The following POLR1D variants were observed in gnomAD, a reference collection of about 807,000 sequenced individuals.
POLR1D encodes the protein DNA-directed RNA polymerases I and III subunit RPAC2.
In POLR1D, 8 loss-of-function variants were observed where a neutral mutation model predicts 10.8. The ratio of observed to expected loss-of-function variants is 0.74; its 90% CI spans 0.43 to 1.33. The LOEUF (loss-of-function observed/expected upper bound fraction) is 1.33, where lower values mean the gene tolerates loss of function less well. Among genes scored for constraint, POLR1D ranks in the 40% most tolerant of loss-of-function variants. The pLI is 0.01. For synonymous variants in POLR1D, 54 were observed against 57.2 expected (o/e 0.94, Z 0.25); for missense variants, 152 against 161.7 (o/e 0.94, Z 0.32).
intron 2 of POLR1D, among the ~76,000 whole-genome samples, chr13:27,661,413 T>C (rs1956362745): frequency 1.3e-5 from 2 of 152,140 alleles, no homozygotes; most frequent in Admixed American, 1.3e-4. Flanking sequence ...AATATAAAAA[T>C]AACTAGCCAG....
chr13:27,652,907 A>ACTTCTTTTTTTTTTTTTTTTTT lies in POLR1D; in HGVS notation c.101+4454_101+4455insCTTCTTTTTTTTTTTTTTTTTT, dbSNP rs1365436145. On this transcript the variant is annotated intron_variant, in intron 2 of 2. Transcript: ENST00000399697. ...AAACTTGCCAGAAGTTGCATTTACC[A>ACTTCTTTTTTTTTTTTTTTTTT]TTTCTTTTTTTTTTTTTTTTTTTTT... Among the ~76,000 whole-genome samples the ACTTCTTTTTTTTTTTTTTTTTT allele has an allele frequency of 5.1e-5, 4 of 78,530 alleles. 1 individual carries two copies. The highest frequency in any genetic ancestry group is 2.4e-4 in the African/African-American group (4 of 16,672). 51.5% of individuals were successfully genotyped at this position (78,530 alleles called of 152,430 possible). A position where few individuals can be genotyped will look rare whatever the true frequency, so the allele number is the denominator to read the frequency against.
rs1956409862 is a variant in POLR1D at position 27,665,749 on chromosome 13, GC to G, written c.168del (p.Ser57LeufsTer91). ...TAATTAACACAATTAAAAACACATTGCCCTCTCATAAAGAGCAAGACCATGA... is the reference window on the plus strand; with the variant it reads ...TAATTAACACAATTAAAAACACATTGCCTCTCATAAAGAGCAAGACCATGA... On this transcript the variant is annotated frameshift_variant, in exon 3 of 3. Coordinates refer to the POLR1D transcript ENST00000399697. LOFTEE classifies it low-confidence loss of function (END_TRUNC). The G allele has an allele frequency of 6.2e-7, 1 of 1,613,104 alleles. No individual in the cohort carries two copies. Among genetic ancestry groups the G allele is most frequent in the African/African-American group, 1.3e-5 (1 of 74,902 alleles).
chr13:27,641,354 G>A (rs1956171838), intron 1 of POLR1D, among the ~76,000 whole-genome samples: 1 of 152,060 alleles, frequency 6.6e-6, no homozygotes, highest in South Asian at 2.1e-4. Flanking sequence ...CCTATAATTT[G>A]CAAGGAATGA....
downstream of POLR1D, among the ~76,000 whole-genome samples, chr13:27,624,073 C>CT (rs1955981720): frequency 6.6e-6 from 1 of 152,128 alleles, no homozygotes; most frequent in South Asian, 2.1e-4. Flanking sequence ...GGGGAAATGA[C>CT]TGTTTTGGAA....
upstream of POLR1D, chr13:27,621,868 C>T (rs1438382749): frequency 3.0e-5 from 33 of 1,106,680 alleles, no homozygotes; most frequent in Middle Eastern, 1.9e-4. Flanking sequence ...CTCCTTCCGT[C>T]CTCCGCGCCT....
upstream of POLR1D, chr13:27,621,378 C>G (rs1242140322): frequency 6.6e-6 from 1 of 152,500 alleles, no homozygotes; most frequent in African/African-American, 2.4e-5. Context: ...ACAAATACCG[C>G]CTTCAACCTT....
downstream of POLR1D, among the ~76,000 whole-genome samples, chr13:27,626,683 C>G (rs192633600): frequency 6.6e-6 from 1 of 152,332 alleles, no homozygotes; most frequent in African/African-American, 2.4e-5. Context: ...GATTCAAGAT[C>G]AGAAATTCTC....
chr13:27,621,857 C>T (rs960494797), upstream of POLR1D: 7 of 988,978 alleles, frequency 7.1e-6, no homozygotes, highest in South Asian at 5.5e-5. Flanking sequence ...GCTCCTCCTC[C>T]CTCCTTCCGT....
At chr13:27,635,054 C>T (rs905013421) in intron 1 of POLR1D, among the ~76,000 whole-genome samples, 3 of 152,178 alleles carry the variant, frequency 2.0e-5, no homozygotes, top group East Asian at 1.9e-4. Context: ...CAGAGCATAT[C>T]CTCCAAGGAG....
chr13:27,652,788 A>G (rs1397669856), intron 2 of POLR1D, among the ~76,000 whole-genome samples: 3 of 151,160 alleles, frequency 2.0e-5, no homozygotes, highest in Non-Finnish European at 4.4e-5. Flanking sequence ...AATCACTTGA[A>G]CCTGCAAGAG....
chr13:27,647,351 C>T (rs2138554105), intron 1 of POLR1D, among the ~76,000 whole-genome samples: 2 of 152,106 alleles, frequency 1.3e-5, no homozygotes, highest in South Asian at 4.1e-4. Flanking sequence ...ACTCATCTTA[C>T]TGTTTTGATA....
At chr13:27,653,664 GT>G (rs1333905921) in intron 2 of POLR1D, among the ~76,000 whole-genome samples, 8 of 152,068 alleles carry the variant, frequency 5.3e-5, no homozygotes, top group African/African-American at 1.9e-4. Context: ...CAATACCAAT[GT>G]TTAAAATTAA....
chr13:27,638,711 C>T lies in POLR1D; in HGVS notation c.27-9668C>T, dbSNP rs745897235. 4.5e-4 allele frequency among the ~76,000 whole-genome samples: 69 copies of T among 152,228 alleles called. No homozygotes were observed. The Middle Eastern group carries it at 0.01, about 23-fold the overall frequency. ...GACTTTCTGCTGAATAGGCCATCCT[C>T]GGGGCTGAGATCCAAGAGCTCTGAG... is the stretch of plus-strand genomic sequence containing the variant. On this transcript the variant is annotated intron_variant, in intron 1 of 2. Coordinates refer to the POLR1D transcript ENST00000399697.
At chr13:27,646,015 G>T (rs765577447) in intron 1 of POLR1D, among the ~76,000 whole-genome samples, 1 of 152,124 alleles carries the variant, frequency 6.6e-6, no homozygotes, top group Non-Finnish European at 1.5e-5. Context: ...ATTTCAGCTG[G>T]ATTCTGACTC....
rs1410163528 is a variant in POLR1D, at chr13:27,623,184, C to G, written c.336C>G (p.Asp112Glu). 6.2e-7 allele frequency: 1 copy of G among 1,614,104 alleles called. No individual in the cohort carries two copies. Among genetic ancestry groups the G allele is most frequent in the Admixed American group, 1.7e-5 (1 of 60,024 alleles). The stretch of plus-strand genomic sequence containing the variant: ...TGAATGTCTGCCAACATGTGCTTGA[C>G]AAGTTTGAGGCCAGCATAAAGGACT... The part of the protein sequence containing the change: ...ELMNVCQHVL[D>E]KFEASIKDYK... The change falls in exon 2 of 2, where the codon GAC becomes GAG. Residue 112 changes from aspartate to glutamate, a missense_variant. Coordinates refer to ENST00000302979, the MANE Select transcript of POLR1D (RefSeq NM_015972.4).
At chr13:27,642,371 G>T (rs771507078) in intron 1 of POLR1D, among the ~76,000 whole-genome samples, 12 of 152,262 alleles carry the variant, frequency 7.9e-5, no homozygotes, top group Admixed American at 6.5e-5. Context: ...GATACGTGTT[G>T]CTGTTGTGCC....
intron 2 of POLR1D, among the ~76,000 whole-genome samples, chr13:27,652,431 A>G (rs1470483899): frequency 6.6e-6 from 1 of 152,230 alleles, no homozygotes; most frequent in Non-Finnish European, 1.5e-5. Context: ...GTAGTTACAC[A>G]GAGTTACTGG....
downstream of POLR1D, among the ~76,000 whole-genome samples, chr13:27,623,875 C>G (rs1234441387): frequency 1.3e-5 from 2 of 152,090 alleles, no homozygotes; most frequent in Non-Finnish European, 1.5e-5. Flanking sequence ...TACCAGTTTA[C>G]TGCTTGAATT....
intron 1 of POLR1D, chr13:27,648,225 G>C (rs1956237099): frequency 1.8e-6 from 1 of 562,498 alleles, no homozygotes; most frequent in African/African-American, 1.9e-5. Context: ...TTTAATTTAT[G>C]TGTTCAAAAT....
Sources: allele counts gnomAD v4.1 joint callset (sites outside exome capture counted in the v4.1 genomes callset), GRCh38; gene constraint gnomAD v4.1.1; transcripts MANE v1.5; gene names NCBI Gene and HGNC (gene_info 2026-07-23, HGNC 2026-07-21).